AJAP1: variants seen among roughly 807,000 people sequenced by gnomAD.
The protein encoded by AJAP1 is adherens junctions associated protein 1, also known as adherens junction-associated protein 1.
A neutral mutation model predicts 35.0 loss-of-function variants in AJAP1; 5 were observed. The ratio of observed to expected loss-of-function variants is 0.14; its 90% CI spans 0.07 to 0.30. AJAP1 has a LOEUF of 0.30. AJAP1 is among the 10% of genes least tolerant of loss of function. The pLI is 1.00. For synonymous variants in AJAP1, 284 were observed against 249.3 expected (o/e 1.14, Z -1.31); for missense variants, 586 against 571.0 (o/e 1.03, Z -0.27).
intron 1 of AJAP1, among the ~76,000 whole-genome samples, chr1:4,675,438 G>A (rs1056785235): frequency 2.0e-5 from 3 of 152,204 alleles, no homozygotes; most frequent in Non-Finnish European, 4.4e-5. Context: ...GAGTGACAGT[G>A]CCCAGGGAGC....
At chr1:4,779,421 C>T (rs115221982) in intron 5 of AJAP1, among the ~76,000 whole-genome samples, 1,562 of 151,750 alleles carry the variant, frequency 0.01, 16 homozygotes, top group African/African-American at 0.035. Context: ...CTGTAAGCTC[C>T]GCCTCCACCT....
intron 2 of AJAP1, among the ~76,000 whole-genome samples, chr1:4,743,655 C>T (rs1641121520): frequency 6.6e-6 from 1 of 152,178 alleles, no homozygotes; most frequent in Non-Finnish European, 1.5e-5. Flanking sequence ...CTAATTTCTT[C>T]CCCTCTGCAC....
chr1:4,772,702 T>G (rs1641864150), intron 4 of AJAP1, among the ~76,000 whole-genome samples, 177 bp downstream of exon 4: 1 of 152,202 alleles, frequency 6.6e-6, no homozygotes. Flanking sequence ...GCAGGGTTGA[T>G]AGCAACAGGC....
intron 1 of AJAP1, among the ~76,000 whole-genome samples, chr1:4,696,740 C>A (rs1364238488): frequency 6.6e-6 from 1 of 152,084 alleles, no homozygotes; most frequent in East Asian, 1.9e-4. Flanking sequence ...CACGCACCTG[C>A]GTTCTGTGTG....
chr1:4,716,006 G>A (rs1231980226), intron 2 of AJAP1, among the ~76,000 whole-genome samples: 2 of 152,244 alleles, frequency 1.3e-5, no homozygotes, highest in African/African-American at 4.8e-5. Flanking sequence ...GGGATCTTTG[G>A]TATCACACTT....
At chr1:4,682,381 T>C (rs532586124) in intron 1 of AJAP1, among the ~76,000 whole-genome samples, 2 of 152,316 alleles carry the variant, frequency 1.3e-5, no homozygotes, top group Admixed American at 6.5e-5. Flanking sequence ...CCCACAACCA[T>C]GCTTGGGCCC....
At chr1:4,676,017 GCT>G (rs1365885759) in intron 1 of AJAP1, among the ~76,000 whole-genome samples, 1 of 152,224 alleles carries the variant, frequency 6.6e-6, no homozygotes, top group Non-Finnish European at 1.5e-5. Context: ...TGGGCTCCCA[GCT>G]CTGTGTCCTC....
chr1:4,789,785 G>C lies in AJAP1; in HGVS notation c.*7300G>C, dbSNP rs927211616. ...AGAACACTACGCAGTCGTAAGCTCTGTTTTTTGTTTTGTTTTGTTTTGTTT... is the reference window on the plus strand; with the variant it reads ...AGAACACTACGCAGTCGTAAGCTCTCTTTTTTGTTTTGTTTTGTTTTGTTT... On this transcript the variant is annotated 3_prime_UTR_variant, in exon 6 of 6. Coordinates refer to ENST00000378191, the MANE Select transcript of AJAP1 (RefSeq NM_018836.4). The surrounding 1 kb of genome is among the most constrained non-coding windows in gnomAD (Gnocchi z 4.4). The C allele has an allele frequency of 2.6e-5, 4 of 152,076 alleles. No homozygotes were observed. Among genetic ancestry groups the C allele is most frequent in the African/African-American group, 9.7e-5 (4 of 41,104 alleles). 9.4% of individuals were successfully genotyped at this position (152,076 alleles called of 1,614,324 possible). A position where few individuals can be genotyped will look rare whatever the true frequency, so the allele number is the denominator to read the frequency against.
chr1:4,694,172 A>G (rs542345394), intron 1 of AJAP1, among the ~76,000 whole-genome samples: 272 of 126,916 alleles, frequency 2.1e-3, no homozygotes, highest in African/African-American at 7.9e-3. Flanking sequence ...GCCCAGGGGC[A>G]CGGGTGCCAG....
chr1:4,771,016 C>T (rs423285), intron 3 of AJAP1, among the ~76,000 whole-genome samples: 118,694 of 151,738 alleles, frequency 0.78, 46,810 homozygotes, highest in African/African-American at 0.83. Context: ...ACTGTGTGGG[C>T]GTATGGAAGG....
Position 4,787,302 on chromosome 1 carries a change from A to C in AJAP1, c.*4817A>C. ...AGAAGAGGCAGGAAGAGAGCAGAGC[A>C]GAGTGATGGGGCTGGGGGCAGAGAA... On this transcript the variant is annotated 3_prime_UTR_variant, in exon 6 of 6. Transcript: ENST00000378191. 1 of 197,534 alleles carries C rather than the reference A, an allele frequency of 5.1e-6. No individual in the cohort carries two copies. Among genetic ancestry groups the C allele is most frequent in the Non-Finnish European group, 1.0e-5 (1 of 97,376 alleles). The allele number at this position is 197,534 out of a possible 1,614,324, so 12.2% of individuals were successfully genotyped here.
chr1:4,772,904 AG>A (rs1224658094), intron 4 of AJAP1, among the ~76,000 whole-genome samples: 1 of 152,198 alleles, frequency 6.6e-6, no homozygotes, highest in East Asian at 1.9e-4. Flanking sequence ...CCCCGACCGG[AG>A]TCAGCGTCTC....
rs1263740128 is a variant in AJAP1, at chr1:4,784,892, G to A, written c.*2407G>A. ...TTCAATCACTCCCTCCCGCTGAGGT[G>A]GGCCTCCTGACTCCAGGTGAGCACA... is the stretch of plus-strand genomic sequence containing the variant. On this transcript the variant is annotated 3_prime_UTR_variant, in exon 6 of 6. Coordinates refer to ENST00000378191, the MANE Select transcript of AJAP1 (RefSeq NM_018836.4). The A allele has an allele frequency of 6.6e-6, 1 of 152,462 alleles. No homozygotes were observed. The highest frequency in any genetic ancestry group is 1.5e-5 in the Non-Finnish European group (1 of 68,196). 9.4% of individuals were successfully genotyped at this position (152,462 alleles called of 1,614,324 possible). A position where few individuals can be genotyped will look rare whatever the true frequency, so the allele number is the denominator to read the frequency against.
rs115449099 is a variant in AJAP1 at position 4,723,147 on chromosome 1, G to A, written c.829+10448G>A. ...GAGAACCATCTAGAGGGTCCCTGAG[G>A]TTTTAGTCTGAGCAACTCTTTCTTC... is the stretch of plus-strand genomic sequence containing the variant. On this transcript the variant is annotated intron_variant, in intron 2 of 5. Coordinates refer to ENST00000378191, the MANE Select transcript of AJAP1 (RefSeq NM_018836.4). The surrounding 1 kb of genome is among the most constrained non-coding windows in gnomAD (Gnocchi z 4.3). Among the ~76,000 whole-genome samples the A allele has an allele frequency of 0.016, 2,406 of 152,244 alleles. 62 individuals carry two copies. The highest frequency in any genetic ancestry group is 0.055 in the African/African-American group (2,288 of 41,532).
rs1487888424 is a variant in AJAP1, at chr1:4,676,325, G to A, written c.29+20871G>A. Among the ~76,000 whole-genome samples, 5 of 152,204 alleles carry A rather than the reference G, an allele frequency of 3.3e-5. No individual in the cohort carries two copies. In the South Asian group the frequency reaches 6.2e-4, roughly 19 times the overall value. Reference sequence around the variant, plus strand: ...GGGAGTGAAAATTGAGTTTATTTACGACAAATCAGTAGAATCCAAACTTTG... The same window carrying A: ...GGGAGTGAAAATTGAGTTTATTTACAACAAATCAGTAGAATCCAAACTTTG... On this transcript the variant is annotated intron_variant, in intron 1 of 5. Coordinates refer to ENST00000378191, the MANE Select transcript of AJAP1 (RefSeq NM_018836.4).
At chr1:4,730,322 T>C (rs1349752565) in intron 2 of AJAP1, among the ~76,000 whole-genome samples, 1 of 152,142 alleles carries the variant, frequency 6.6e-6, no homozygotes, top group Non-Finnish European at 1.5e-5. Context: ...GGAAACAAAA[T>C]AGCACACAGA....
chr1:4,716,647 TTGA>T (rs1454567431), intron 2 of AJAP1, among the ~76,000 whole-genome samples: 5 of 150,906 alleles, frequency 3.3e-5, no homozygotes, highest in Admixed American at 2.0e-4. Flanking sequence ...GATGATGGTG[TTGA>T]TGATGGTGAT....
intron 2 of AJAP1, among the ~76,000 whole-genome samples, chr1:4,767,885 C>T (rs1227534647): frequency 6.6e-6 from 1 of 152,310 alleles, no homozygotes; most frequent in East Asian, 1.9e-4. Context: ...GGCAACCCAC[C>T]CTCCACAGCT....
rs1165530548 is a variant in AJAP1, at chr1:4,734,912, G to A, written c.829+22213G>A. Among the ~76,000 whole-genome samples, 1 of 152,194 alleles carries A rather than the reference G, an allele frequency of 6.6e-6. No homozygotes were observed. Among genetic ancestry groups the A allele is most frequent in the African/African-American group, 2.4e-5 (1 of 41,442 alleles). The stretch of plus-strand genomic sequence containing the variant: ...GCCTCCATCTGGCTTTCTGTCCACC[G>A]GCACAGATGGCAATGTTGTTTCTCG... On this transcript the variant is annotated intron_variant, in intron 2 of 5. Transcript: ENST00000378191. The surrounding 1 kb of genome is among the most constrained non-coding windows in gnomAD (Gnocchi z 4.3).
Sources: allele counts gnomAD v4.1 joint callset (sites outside exome capture counted in the v4.1 genomes callset), GRCh38; gene constraint gnomAD v4.1.1; non-coding constraint Gnocchi (gnomAD v3.1); transcripts MANE v1.5; gene names NCBI Gene and HGNC (gene_info 2026-07-23, HGNC 2026-07-21).